KDM5A: variants seen among roughly 807,000 people sequenced by gnomAD.
KDM5A encodes the protein lysine-specific demethylase 5A.
A neutral mutation model predicts 193.5 loss-of-function variants in KDM5A; 42 were observed. The observed-to-expected ratio is 0.22, with a 90% CI of 0.17 to 0.28. The LOEUF (loss-of-function observed/expected upper bound fraction) is 0.28, where lower values mean the gene tolerates loss of function less well. Ranked by LOEUF, KDM5A falls within the 10% of genes least tolerant of loss-of-function variation. The pLI, the probability that KDM5A is intolerant of heterozygous loss-of-function variation, is 1.00. For missense variants in KDM5A, 1,692 were observed against 2,055.1 expected, an observed-to-expected ratio of 0.82 and a Z score of 3.42; for synonymous variants, 796 against 718.1, an observed-to-expected ratio of 1.11 and a Z score of -1.73.
At chr12:384,789 T>C (rs1591944602) in intron 2 of KDM5A, among the ~76,000 whole-genome samples, 1 of 152,222 alleles carries the variant, frequency 6.6e-6, no homozygotes, top group South Asian at 2.1e-4. Context: ...TAACGTTCTG[T>C]CATTTCATCC....
rs2137389918 is a variant in KDM5A at position 307,956 on chromosome 12, G to A, written c.3428C>T (p.Ser1143Phe). 2 of 1,614,150 alleles carry A rather than the reference G, an allele frequency of 1.2e-6. No homozygotes were observed. Among genetic ancestry groups the A allele is most frequent in the Non-Finnish European group, 1.7e-6 (2 of 1,180,032 alleles). Residue 1143 changes from serine to phenylalanine, a missense_variant, in exon 23 of 28, where the codon TCT (serine) becomes TTT (phenylalanine). Physicochemically the swap from Ser to Phe is radical, Grantham distance 155. Transcript: ENST00000399788. This position sits in a 1 kb window ranked among gnomAD's most constrained non-coding sequence, Gnocchi z 4.3. Reference sequence around the variant, plus strand: ...CTTGGCTAGGTTGGCTGCTCTGAGAGAATGCATGGCTTCAATCTCTTTTTG... The same window carrying A: ...CTTGGCTAGGTTGGCTGCTCTGAGAAAATGCATGGCTTCAATCTCTTTTTG... ...REQKEIEAMHSLRAANLAKMT... is the reference protein window; with the variant it reads ...REQKEIEAMHFLRAANLAKMT...
intron 3 of KDM5A, among the ~76,000 whole-genome samples, chr12:378,271 C>A (rs372587530): frequency 1.3e-5 from 2 of 151,782 alleles, no homozygotes; most frequent in African/African-American, 2.4e-5. Context: ...TCATTTTAAG[C>A]CCCCTTTTTT....
In KDM5A at chr12:354,128, G is replaced by A; in HGVS notation, c.977C>T (p.Pro326Leu). ...GTCTCCTTTGGGCACATCAGGTAGT[G>A]GAGGAATTAGACAAAATGTATGATA... ...DSYHTFCLIP[P>L]LPDVPKGDWR... Residue 326 changes from proline (P) to leucine (L), a missense_variant, in exon 8 of 28, where the codon CCA becomes CTA. This residue lies in a region of KDM5A where 62 missense variants were observed against 107.1 expected (regional missense o/e 0.58). Transcript: ENST00000399788. The A allele has an allele frequency of 1.2e-6, 2 of 1,613,484 alleles. No homozygotes were observed. The highest frequency in any genetic ancestry group is 1.7e-6 in the Non-Finnish European group (2 of 1,179,508).
chr12:371,365 A>G (rs918697789), intron 3 of KDM5A, among the ~76,000 whole-genome samples: 2 of 152,164 alleles, frequency 1.3e-5, no homozygotes, highest in African/African-American at 2.4e-5. Context: ...TCTGATGGCC[A>G]GTGATGAGCA....
intron 12 of KDM5A, 109 bp downstream of exon 12, chr12:333,378 C>A (rs150799134): frequency 1.7e-6 from 2 of 1,194,814 alleles, no homozygotes; most frequent in East Asian, 2.5e-5. Flanking sequence ...ATCATCGTGC[C>A]GCTGCACTCC....
At chr12:370,182 C>G (rs748798095) in intron 3 of KDM5A, among the ~76,000 whole-genome samples, 1 of 152,150 alleles carries the variant, frequency 6.6e-6, no homozygotes, top group Non-Finnish European at 1.5e-5. Flanking sequence ...CACCTGAGGT[C>G]GAGAGTTCGA....
chr12:362,887 G>T, intron 5 of KDM5A, 76 bp downstream of exon 5: 1 of 1,408,358 alleles, frequency 7.1e-7, no homozygotes, highest in Non-Finnish European at 1.0e-6. Flanking sequence ...GAGCCAAGGA[G>T]TTCAAGGCTA....
intron 18 of KDM5A, among the ~76,000 whole-genome samples, chr12:319,859 G>C (rs1943694477): frequency 6.6e-6 from 1 of 152,168 alleles, no homozygotes; most frequent in Non-Finnish European, 1.5e-5. Flanking sequence ...AGGGAAAAAA[G>C]GCATCCAGGG....
chr12:355,306 G>T, intron 6 of KDM5A, 57 bp from the exon 7 acceptor site: 1 of 895,812 alleles, frequency 1.1e-6, no homozygotes, highest in South Asian at 1.3e-5. Context: ...GCTTACTATG[G>T]ACCAGACACT....
At chr12:330,073 G>GTATATA (rs1393039421) in intron 13 of KDM5A, among the ~76,000 whole-genome samples, 48 of 127,592 alleles carry the variant, frequency 3.8e-4, no homozygotes, top group African/African-American at 1.6e-3. Flanking sequence ...GTGTGTGTGT[G>GTATATA]TGTGTGTGTG....
intron 7 of KDM5A, among the ~76,000 whole-genome samples, chr12:354,483 T>C (rs1475399044): frequency 6.6e-6 from 1 of 152,118 alleles, no homozygotes; most frequent in African/African-American, 2.4e-5. Context: ...GAATAAAGAC[T>C]ACAGGCCAGG....
chr12:373,037 A>G (rs548758428), intron 3 of KDM5A, among the ~76,000 whole-genome samples: 1 of 152,318 alleles, frequency 6.6e-6, no homozygotes, highest in Non-Finnish European at 1.5e-5. Flanking sequence ...CATCAGGGAT[A>G]TTGGTCTAAA....
At chr12:320,869 A>C in intron 18 of KDM5A, 126 bp downstream of exon 18, 1 of 729,090 alleles carries the variant, frequency 1.4e-6, no homozygotes, top group Non-Finnish European at 2.5e-6. Flanking sequence ...CTCAAATAGC[A>C]GCATATATGT....
At chr12:321,237 A>G in intron 17 of KDM5A, 128 bp from the exon 18 acceptor site, 1 of 708,688 alleles carries the variant, frequency 1.4e-6, no homozygotes, top group Non-Finnish European at 2.6e-6. Flanking sequence ...GGATAACACC[A>G]CAATGGTGAC....
intron 3 of KDM5A, among the ~76,000 whole-genome samples, chr12:370,789 C>T (rs1033604152): frequency 8.5e-5 from 13 of 152,276 alleles, no homozygotes; most frequent in African/African-American, 3.1e-4. Flanking sequence ...CGACAGGCCC[C>T]GGTGTGTGAT....
At chr12:323,272 A>G in intron 15 of KDM5A, 66 bp from the exon 16 acceptor site, 1 of 1,471,412 alleles carries the variant, frequency 6.8e-7, no homozygotes, top group Non-Finnish European at 9.1e-7. Flanking sequence ...AAAACCAACA[A>G]TAACTTAAAA....
intron 14 of KDM5A, among the ~76,000 whole-genome samples, chr12:326,264 C>T (rs1363492347): frequency 5.9e-5 from 9 of 152,168 alleles, no homozygotes; most frequent in African/African-American, 2.2e-4. Context: ...ATAGTAATTC[C>T]TGTGTGTAAT....
chr12:383,811 CG>C (rs1460102812), intron 3 of KDM5A, among the ~76,000 whole-genome samples: 2 of 151,714 alleles, frequency 1.3e-5, no homozygotes, highest in East Asian at 3.9e-4. Flanking sequence ...TACAATGGCG[CG>C]ATCTCAGCTC....
intron 6 of KDM5A, among the ~76,000 whole-genome samples, chr12:355,628 A>G (rs1350317317): frequency 6.6e-6 from 1 of 152,242 alleles, no homozygotes; most frequent in Non-Finnish European, 1.5e-5. Flanking sequence ...AAGAGTAACA[A>G]AAATAAAGTA....
Sources: allele counts gnomAD v4.1 joint callset (sites outside exome capture counted in the v4.1 genomes callset), GRCh38; gene constraint gnomAD v4.1.1; regional missense constraint gnomAD v4.1.1; non-coding constraint Gnocchi (gnomAD v3.1); transcripts MANE v1.5; gene names NCBI Gene and HGNC (gene_info 2026-07-23, HGNC 2026-07-21).